Variants in SNX29 observed in about 807,000 individuals in gnomAD.
SNX29 encodes the protein sorting nexin-29.
SNX29 carries 78 observed loss-of-function variants against 102.1 expected under a neutral mutation model. That is an observed-to-expected ratio of 0.76 (90% CI 0.64 to 0.92). The LOEUF is 0.92. Ranked by LOEUF, SNX29 falls within the 40% of genes least tolerant of loss-of-function variation. SNX29 has a pLI of 0.00. For synonymous variants in SNX29, 580 were observed against 414.5 expected (o/e 1.40, Z -4.85); for missense variants, 1,280 against 1,061.7 (o/e 1.21, Z -2.86).
intron 20 of SNX29, among the ~76,000 whole-genome samples, chr16:12,550,776 G>A (rs556534238): frequency 1.4e-5 from 2 of 145,300 alleles, no homozygotes; most frequent in Non-Finnish European, 3.0e-5. Context: ...TGTAGAGGCT[G>A]AATAGCTGAG....
At chr16:12,204,101 C>T (rs2076986303) in intron 14 of SNX29, among the ~76,000 whole-genome samples, 1 of 152,148 alleles carries the variant, frequency 6.6e-6, no homozygotes, top group East Asian at 1.9e-4. Context: ...AGCTTGTTTC[C>T]ACATAGAGAT....
intron 1 of SNX29, among the ~76,000 whole-genome samples, chr16:11,992,149 C>A (rs1056289749): frequency 6.6e-6 from 1 of 152,028 alleles, no homozygotes; most frequent in Admixed American, 6.6e-5. Flanking sequence ...ACAAAATTAG[C>A]CCAGTGTGGT....
intron 19 of SNX29, among the ~76,000 whole-genome samples, chr16:12,497,453 T>A (rs2088888235): frequency 6.6e-6 from 1 of 152,174 alleles, no homozygotes; most frequent in South Asian, 2.1e-4. Flanking sequence ...TCATCGTGGA[T>A]GCTTTCTACG....
intron 13 of SNX29, among the ~76,000 whole-genome samples, chr16:12,131,136 G>A (rs775854261): frequency 4.6e-5 from 7 of 152,228 alleles, no homozygotes; most frequent in Non-Finnish European, 1.0e-4. Context: ...GGCCTGCTGC[G>A]ACGCAGCTGT....
At chr16:12,403,946 G>C (rs1417476985) in intron 18 of SNX29, among the ~76,000 whole-genome samples, 2 of 152,154 alleles carry the variant, frequency 1.3e-5, no homozygotes, top group Non-Finnish European at 2.9e-5. Context: ...GGGTTGACAG[G>C]ATGACCCCAG....
rs2057429714 is a variant in SNX29, at chr16:12,034,800, C to G, written c.247+7356C>G. ...CCGAGGTGGGTGGATCACTTGAGGT[C>G]TGGAGTTCGAGACCAGCCTGGCCAA... On this transcript the variant is annotated intron_variant, in intron 4 of 20. Coordinates refer to ENST00000566228, the MANE Select transcript of SNX29 (RefSeq NM_032167.5). Among the ~76,000 whole-genome samples, 3 of 152,172 alleles carry G rather than the reference C, an allele frequency of 2.0e-5. No individual in the cohort carries two copies. The South Asian group carries it at 6.2e-4, about 32-fold the overall frequency.
At chr16:12,277,207 G>A (rs1296546679) in intron 14 of SNX29, among the ~76,000 whole-genome samples, 1 of 152,086 alleles carries the variant, frequency 6.6e-6, no homozygotes, top group African/African-American at 2.4e-5. Context: ...GGTCAACATG[G>A]TGAGACCTTG....
chr16:12,297,046 T>A (rs1478714064), intron 15 of SNX29, among the ~76,000 whole-genome samples: 1 of 152,240 alleles, frequency 6.6e-6, no homozygotes, highest in East Asian at 1.9e-4. Context: ...GCCACATGTC[T>A]CTGGGATCAA....
Position 12,569,288 on chromosome 16 carries a change from TCCC to T in SNX29, c.*662_*664del, listed in dbSNP as rs1008675989. ...TTGAGTTCAGAGAACTTCCCCTACC[TCCC>T]CCATGGCTGGCTTCAGGAAGGACCA... On this transcript the variant is annotated 3_prime_UTR_variant, in exon 21 of 21. Transcript: ENST00000566228. 1 of 228,076 alleles carries T rather than the reference TCCC, an allele frequency of 4.4e-6. No homozygotes were observed. The highest frequency in any genetic ancestry group is 8.7e-6 in the Non-Finnish European group (1 of 115,012). The allele number at this position is 228,076 out of a possible 1,614,324, so 14.1% of individuals were successfully genotyped here. A position where few individuals can be genotyped will look rare whatever the true frequency, so the allele number is the denominator to read the frequency against.
chr16:12,057,848 C>T (rs552535114), intron 8 of SNX29, among the ~76,000 whole-genome samples: 94 of 149,686 alleles, frequency 6.3e-4, no homozygotes, highest in African/African-American at 2.1e-3. Flanking sequence ...GCTGGGTTCT[C>T]GCTCTGTCAC....
intron 13 of SNX29, among the ~76,000 whole-genome samples, chr16:12,173,299 C>T (rs1220936979): frequency 6.6e-6 from 1 of 152,196 alleles, no homozygotes; most frequent in African/African-American, 2.4e-5. Context: ...GTTATATTCC[C>T]TGAGTGCTTT....
In SNX29 at chr16:12,398,508, CCA is replaced by C; in HGVS notation, c.1955+10_1955+11del. On this transcript the variant is annotated splice_region_variant and intron_variant, in intron 17 of 20. Transcript: ENST00000566228. Reference sequence around the variant, plus strand: ...GTTTGTCGGATTTTGAAATGTAAGTCCACAGCCTGTGCTCACAAGGGGTCCTT... The same window carrying C: ...GTTTGTCGGATTTTGAAATGTAAGTCCAGCCTGTGCTCACAAGGGGTCCTT... 1 of 1,613,876 alleles carries C rather than the reference CCA, an allele frequency of 6.2e-7. No homozygotes were observed. The highest frequency in any genetic ancestry group is 8.5e-7 in the Non-Finnish European group (1 of 1,179,816).
chr16:12,112,342 C>T (rs2053532529), intron 11 of SNX29, among the ~76,000 whole-genome samples: 1 of 152,138 alleles, frequency 6.6e-6, no homozygotes, highest in Non-Finnish European at 1.5e-5. Context: ...AAAGGCAGTT[C>T]TTGGTGAGGA....
intron 15 of SNX29, among the ~76,000 whole-genome samples, chr16:12,319,433 A>G (rs764290296): frequency 1.5e-4 from 23 of 152,216 alleles, no homozygotes; most frequent in Non-Finnish European, 3.1e-4. Flanking sequence ...TACTGAGGCT[A>G]TAATGAGCTA....
intron 1 of SNX29, among the ~76,000 whole-genome samples, chr16:11,984,084 G>A (rs954803618): frequency 2.6e-5 from 4 of 152,182 alleles, no homozygotes; most frequent in Non-Finnish European, 5.9e-5. Context: ...TGGACACAGT[G>A]GCTCACACCT....
chr16:12,562,898 G>T (rs142834400), intron 20 of SNX29, among the ~76,000 whole-genome samples: 1 of 152,108 alleles, frequency 6.6e-6, no homozygotes, highest in African/African-American at 2.4e-5. Flanking sequence ...GGAATTTGAC[G>T]ATGTGCTTGA....
At chr16:12,006,740 T>C (rs1429294293) in intron 3 of SNX29, among the ~76,000 whole-genome samples, 2 of 151,978 alleles carry the variant, frequency 1.3e-5, no homozygotes, top group Non-Finnish European at 2.9e-5. Context: ...CATCTCAGCC[T>C]CCTGAGTAGC....
chr16:12,319,763 A>G (rs2080869146), intron 15 of SNX29, among the ~76,000 whole-genome samples: 1 of 152,128 alleles, frequency 6.6e-6, no homozygotes, highest in South Asian at 2.1e-4. Context: ...GCCCAGATCC[A>G]CACCACAGCC....
chr16:12,093,292 C>G (rs1339319170), intron 11 of SNX29, among the ~76,000 whole-genome samples: 1 of 152,176 alleles, frequency 6.6e-6, no homozygotes, highest in East Asian at 1.9e-4. Flanking sequence ...GAACATGGGT[C>G]AGGCAGACCA....
Sources: allele counts gnomAD v4.1 joint callset (sites outside exome capture counted in the v4.1 genomes callset), GRCh38; gene constraint gnomAD v4.1.1; transcripts MANE v1.5; gene names NCBI Gene and HGNC (gene_info 2026-07-23, HGNC 2026-07-21).